XPO6: variants seen among roughly 807,000 people sequenced by gnomAD.
The protein encoded by XPO6 is exportin 6, also known as exportin-6.
Under a neutral mutation model 130.0 loss-of-function variants are expected in XPO6, and 3 were observed. The ratio of observed to expected loss-of-function variants is 0.02; its 90% confidence interval spans 0.01 to 0.06. The LOEUF (loss-of-function observed/expected upper bound fraction) is 0.06, where lower values mean the gene tolerates loss of function less well. Ranked by LOEUF, XPO6 falls within the 10% of genes least tolerant of loss-of-function variation. XPO6 has a pLI of 1.00. For synonymous variants in XPO6, 524 were observed against 548.9 expected (o/e 0.95, Z 0.63); for missense variants, 970 against 1,393.0 (o/e 0.70, Z 4.83).
At chr16:28,156,801 G>C (rs2043190992) in intron 6 of XPO6, among the ~76,000 whole-genome samples, 1 of 152,082 alleles carries the variant, frequency 6.6e-6, no homozygotes, top group Non-Finnish European at 1.5e-5. Context: ...TAGTTTTAGT[G>C]AGATTTGTAC....
chr16:28,174,038 C>G (rs187928226), intron 4 of XPO6, among the ~76,000 whole-genome samples: 271 of 152,220 alleles, frequency 1.8e-3, no homozygotes, highest in Non-Finnish European at 3.1e-3. Flanking sequence ...TTGGTCTTTC[C>G]TGTCTCCAGT....
At chr16:28,114,158 G>A (rs2086995968) in intron 15 of XPO6, among the ~76,000 whole-genome samples, 1 of 122,488 alleles carries the variant, frequency 8.2e-6, no homozygotes. Context: ...GACATAAAAG[G>A]AACTCATTTC....
Position 28,176,664 on chromosome 16 carries a change from A to ATT in XPO6, c.207+554_207+555dup, listed in dbSNP as rs34096451. On this transcript the variant is annotated intron_variant, in intron 3 of 23. Transcript: ENST00000304658. Reference sequence around the variant, plus strand: ...AGGCACCCGCCACCACGCCCGGCTAATTTTTTTTTTTTTTTTTGCATTTTT... The same window carrying ATT: ...AGGCACCCGCCACCACGCCCGGCTAATTTTTTTTTTTTTTTTTTTGCATTTTT... Among the ~76,000 whole-genome samples the ATT allele has an allele frequency of 1.3e-3, 180 of 134,676 alleles. 1 individual carries two copies. The highest frequency in any genetic ancestry group is 4.1e-3 in the African/African-American group (150 of 36,700). The allele number at this position is 134,676 out of a possible 152,430, so 88.4% of individuals were successfully genotyped here.
chr16:28,181,389 T>G (rs2043612059), intron 1 of XPO6, among the ~76,000 whole-genome samples: 2 of 152,192 alleles, frequency 1.3e-5, no homozygotes, highest in Admixed American at 1.3e-4. Flanking sequence ...AGGCCAGAAC[T>G]CCTCATAGAC....
rs755124260 is a variant in XPO6 at position 28,149,603 on chromosome 16, T to C, written c.1224+3056A>G. Among the ~76,000 whole-genome samples the C allele has an allele frequency of 3.9e-5, 6 of 152,336 alleles. No homozygotes were observed. The South Asian group carries it at 1.2e-3, about 32-fold the overall frequency. On this transcript the variant is annotated intron_variant, in intron 8 of 23. Transcript: ENST00000304658. ...GCCTACAGTATTCTACACAGTAGAA[T>C]AGTAGAGTAGTACTCTACACAGTAA... is the stretch of plus-strand genomic sequence containing the variant.
At chr16:28,113,748 T>C (rs1041870649) in intron 15 of XPO6, among the ~76,000 whole-genome samples, 1 of 151,812 alleles carries the variant, frequency 6.6e-6, no homozygotes, top group Non-Finnish European at 1.5e-5. Context: ...CCTAAAAGGG[T>C]AAAGCTACAT....
At chr16:28,198,054 G>C (rs910478153) in intron 1 of XPO6, among the ~76,000 whole-genome samples, 3 of 138,140 alleles carry the variant, frequency 2.2e-5, no homozygotes, top group African/African-American at 7.9e-5. Context: ...ACATACAAAG[G>C]TTTTCGCAAA....
At chr16:28,105,153 C>T (rs1359912245) in intron 20 of XPO6, among the ~76,000 whole-genome samples, 1 of 152,214 alleles carries the variant, frequency 6.6e-6, no homozygotes, top group African/African-American at 2.4e-5. Flanking sequence ...GTTGGTCTTA[C>T]ACAACCACGG....
rs776038329 is a variant in XPO6, at chr16:28,101,513, T to C, written c.3221A>G (p.Asp1074Gly). Residue 1074 changes from aspartate to glycine, a missense_variant, in exon 23 of 24, where the codon GAT becomes GGT. Physicochemically the swap from Asp to Gly is moderately conservative, Grantham distance 94. This residue lies in a region of XPO6 where 936 missense variants were observed against 1,306.8 expected (regional missense o/e 0.72). Transcript: ENST00000304658. This position sits in a 1 kb window ranked among gnomAD's most constrained non-coding sequence, Gnocchi z 5.4. ...ACTTTTCTGGTTGGCATCCACACCATCACAGCTGGTCAGGAACTCTGGGAG... is the reference window on the plus strand; with the variant it reads ...ACTTTTCTGGTTGGCATCCACACCACCACAGCTGGTCAGGAACTCTGGGAG... ...AFLPEFLTSC[D>G]GVDANQKSVL... 1.2e-6 allele frequency: 2 copies of C among 1,614,180 alleles called. No homozygotes were observed. Among genetic ancestry groups the C allele is most frequent in the South Asian group, 1.1e-5 (1 of 91,088 alleles).
intron 6 of XPO6, among the ~76,000 whole-genome samples, chr16:28,163,673 C>T (rs138260065): frequency 1.3e-5 from 2 of 152,118 alleles, no homozygotes; most frequent in Admixed American, 6.5e-5. Context: ...AGGACATCAG[C>T]GGTCAGAGAA....
At chr16:28,171,790 G>A (rs189563986) in intron 4 of XPO6, among the ~76,000 whole-genome samples, 1 of 152,256 alleles carries the variant, frequency 6.6e-6, no homozygotes, top group East Asian at 1.9e-4. Context: ...GGGAGGACAG[G>A]AAATTTCTCT....
At chr16:28,182,307 A>G (rs1441606875) in intron 1 of XPO6, among the ~76,000 whole-genome samples, 2 of 152,176 alleles carry the variant, frequency 1.3e-5, no homozygotes, top group Non-Finnish European at 2.9e-5. Flanking sequence ...ACAAATTTTC[A>G]TCTCTGAGGA....
At chr16:28,174,359 G>C (rs996771792) in intron 4 of XPO6, among the ~76,000 whole-genome samples, 1 of 152,124 alleles carries the variant, frequency 6.6e-6, no homozygotes, top group African/African-American at 2.4e-5. Flanking sequence ...ACCCCCGCTA[G>C]TTTCTTTCCC....
At chr16:28,108,914 G>A (rs1265614298) in intron 17 of XPO6, among the ~76,000 whole-genome samples, 4 of 152,294 alleles carry the variant, frequency 2.6e-5, no homozygotes, top group African/African-American at 7.2e-5. Context: ...GACGCTTCTC[G>A]CCACAGGCCT....
chr16:28,150,923 C>T (rs560153035), intron 8 of XPO6, among the ~76,000 whole-genome samples: 197 of 152,216 alleles, frequency 1.3e-3, no homozygotes, highest in Middle Eastern at 3.4e-3. Flanking sequence ...GACCTCGGCA[C>T]GGCTCTCCTC....
At chr16:28,098,944 T>C (rs1438983875) in intron 23 of XPO6, among the ~76,000 whole-genome samples, 1 of 152,008 alleles carries the variant, frequency 6.6e-6, no homozygotes, top group Non-Finnish European at 1.5e-5. Context: ...CCAGAACCAC[T>C]AGTCTAAGGA....
chr16:28,150,871 C>G (rs1567623817), intron 8 of XPO6, among the ~76,000 whole-genome samples: 1 of 152,260 alleles, frequency 6.6e-6, no homozygotes, highest in East Asian at 1.9e-4. Flanking sequence ...TCCCCTACAT[C>G]CTCACCCTCC....
In XPO6 at chr16:28,146,148, T is replaced by C; in HGVS notation, c.1280A>G (p.Tyr427Cys). The change falls in exon 9 of 24, where the codon TAT (tyrosine) becomes TGT (cysteine). Residue 427 changes from tyrosine (Y) to cysteine (C), a missense_variant. Tyr to Cys is a radical substitution (Grantham distance 194, BLOSUM62 -2). Transcript: ENST00000304658. Reference sequence around the variant, plus strand: ...ACGACTTTTAATTTTACTTGTCAGATAGTCCAAAAACAGCGTCCAGATATC... The same window carrying C: ...ACGACTTTTAATTTTACTTGTCAGACAGTCCAAAAACAGCGTCCAGATATC... ...CLDIWTLFLDYLTSKIKSRLG... is the reference protein window; with the variant it reads ...CLDIWTLFLDCLTSKIKSRLG... 1.2e-6 allele frequency: 2 copies of C among 1,614,138 alleles called. No individual in the cohort carries two copies. The highest frequency in any genetic ancestry group is 1.7e-6 in the Non-Finnish European group (2 of 1,179,988).
intron 1 of XPO6, among the ~76,000 whole-genome samples, chr16:28,195,624 G>A (rs548876989): frequency 6.6e-6 from 1 of 152,170 alleles, no homozygotes; most frequent in African/African-American, 2.4e-5. Flanking sequence ...GTGGTGGCGT[G>A]AGCCTGTAGT....
Sources: allele counts gnomAD v4.1 joint callset (sites outside exome capture counted in the v4.1 genomes callset), GRCh38; gene constraint gnomAD v4.1.1; regional missense constraint gnomAD v4.1.1; non-coding constraint Gnocchi (gnomAD v3.1); transcripts MANE v1.5; gene names NCBI Gene and HGNC (gene_info 2026-07-23, HGNC 2026-07-21).